RANGAP1: variants seen among roughly 807,000 people sequenced by gnomAD.
RANGAP1 encodes the protein ran GTPase-activating protein 1.
RANGAP1 carries 38 observed loss-of-function variants against 63.5 expected under a neutral mutation model. The observed-to-expected ratio is 0.60, with a 90% CI of 0.46 to 0.78. The LOEUF (loss-of-function observed/expected upper bound fraction) is 0.78, where lower values mean the gene tolerates loss of function less well. Among genes scored for constraint, RANGAP1 ranks in the 30% least tolerant of loss-of-function variants. The probability of loss-of-function intolerance (pLI) is 0.00; values close to 1 mark genes in which losing one functional copy is unlikely to be tolerated. For missense variants in RANGAP1, 630 were observed against 740.3 expected (o/e 0.85, Z 1.73); for synonymous variants, 329 against 310.5 (o/e 1.06, Z -0.63).
rs200379863 is a variant in RANGAP1, at chr22:41,254,488, G to A, written c.1080C>T (p.Asp360=). ...MAKVLASLSD[D]EDEEEEEEGE... Reference sequence around the variant, plus strand: ...CTTCCTCCTCCTCCTCCTCGTCCTCGTCATCACTGCAGAAAGAGCTGGCTG... The same window carrying A: ...CTTCCTCCTCCTCCTCCTCGTCCTCATCATCACTGCAGAAAGAGCTGGCTG... The change falls in exon 11 of 16, where the codon GAC becomes GAT. Residue 360 remains aspartate (D), a synonymous_variant. Coordinates refer to ENST00000356244, the MANE Select transcript of RANGAP1 (RefSeq NM_002883.4). The A allele has an allele frequency of 2.5e-5, 39 of 1,588,562 alleles. No individual in the cohort carries two copies. Among genetic ancestry groups the A allele is most frequent in the Middle Eastern group, 1.7e-4 (1 of 6,020 alleles).
the RANGAP1 span, among the ~76,000 whole-genome samples, chr22:41,299,927 A>G: frequency 6.6e-6 from 1 of 151,422 alleles, no homozygotes. Flanking sequence ...TATTTTTTGT[A>G]TTTTTAGTAG....
chr22:41,284,605 T>C (rs2035663736), intron 1 of RANGAP1, among the ~76,000 whole-genome samples: 1 of 148,334 alleles, frequency 6.7e-6, no homozygotes, highest in African/African-American at 2.5e-5. Flanking sequence ...GGTGTAATGG[T>C]TCACTCCTGC....
Position 41,249,467 on chromosome 22 carries a change from C to T in RANGAP1, c.1573-16G>A, listed in dbSNP as rs746090642. 3.7e-5 allele frequency: 59 copies of T among 1,608,086 alleles called. No homozygotes were observed. Among genetic ancestry groups the T allele is most frequent in the Middle Eastern group, 1.6e-4 (1 of 6,078 alleles). On this transcript the variant is annotated splice_polypyrimidine_tract_variant and intron_variant, in intron 14 of 15. Coordinates refer to ENST00000356244, the MANE Select transcript of RANGAP1 (RefSeq NM_002883.4). ...TGTCTTCACTCTGAGAGGAACACAG[C>T]GAAAAGCGGGGTGAGCTTCAAAGTC...
At chr22:41,267,981 C>T (rs2034580599) in intron 4 of RANGAP1, 116 bp downstream of exon 4, 11 of 1,117,466 alleles carry the variant, frequency 9.8e-6, no homozygotes, top group Non-Finnish European at 1.4e-5. Context: ...ATTCCAGCAG[C>T]TCAGTCACCC....
At chr22:41,301,541 C>A in the RANGAP1 span, 1 of 152,076 alleles carries the variant, frequency 6.6e-6, no homozygotes, top group Non-Finnish European at 1.5e-5. Flanking sequence ...GTGCCTCCAG[C>A]GGGTGCTGCC....
chr22:41,248,382 T>A (rs1041651172), intron 15 of RANGAP1, among the ~76,000 whole-genome samples: 1 of 152,198 alleles, frequency 6.6e-6, no homozygotes, highest in Admixed American at 6.5e-5. Flanking sequence ...GGCGGCGCCA[T>A]GCAGACACTG....
chr22:41,247,256 C>T (rs562110724), intron 15 of RANGAP1, among the ~76,000 whole-genome samples: 1 of 152,194 alleles, frequency 6.6e-6, no homozygotes, highest in South Asian at 2.1e-4. Flanking sequence ...AGGGTTTCAC[C>T]ATGTTAGCCA....
In RANGAP1 at chr22:41,261,458, T is replaced by C; in HGVS notation, c.603A>G (p.Ala201=). 2 of 1,614,212 alleles carry C rather than the reference T, an allele frequency of 1.2e-6. No individual in the cohort carries two copies. Among genetic ancestry groups the C allele is most frequent in the Non-Finnish European group, 1.7e-6 (2 of 1,180,040 alleles). The part of the protein sequence containing the change: ...RLENDGATAL[A]EAFRVIGTLE... ...AGAAACCACTCACCCTAAAAGCTTC[T>C]GCCAAGGCAGTGGCGCCATCATTCT... is the stretch of plus-strand genomic sequence containing the variant. Residue 201 remains alanine, a synonymous_variant, in exon 6 of 16, where the codon GCA becomes GCG. Transcript: ENST00000356244.
chr22:41,267,848 T>C (rs1225130189), intron 4 of RANGAP1, among the ~76,000 whole-genome samples: 2 of 152,016 alleles, frequency 1.3e-5, no homozygotes, highest in South Asian at 2.1e-4. Context: ...CAGGAGTGCA[T>C]GGTCTCAGCT....
the RANGAP1 span, chr22:41,301,918 G>A: frequency 1.3e-5 from 2 of 152,016 alleles, no homozygotes; most frequent in Non-Finnish European, 2.9e-5. Context: ...CCGGGGCCGC[G>A]CGCCGGGCCA....
intron 15 of RANGAP1, among the ~76,000 whole-genome samples, chr22:41,248,800 G>A (rs555749646): frequency 2.6e-5 from 4 of 152,230 alleles, no homozygotes; most frequent in Non-Finnish European, 5.9e-5. Flanking sequence ...GGACCCTCCA[G>A]AACAAGGCCA....
intron 1 of RANGAP1, chr22:41,285,336 G>C: frequency 4.1e-6 from 1 of 243,224 alleles, no homozygotes; most frequent in Non-Finnish European, 6.6e-6. Flanking sequence ...GAGAGAGCGA[G>C]ACAGAGATGC....
chr22:41,272,644 C>A (rs2034906659), intron 3 of RANGAP1, among the ~76,000 whole-genome samples: 1 of 152,088 alleles, frequency 6.6e-6, no homozygotes, highest in African/African-American at 2.4e-5. Context: ...CCTCAGCCTC[C>A]TGAGTAGCTG....
intron 12 of RANGAP1, 94 bp from the exon 13 acceptor site, chr22:41,251,203 G>C (rs557593524): frequency 2.1e-6 from 2 of 932,682 alleles, no homozygotes; most frequent in East Asian, 2.5e-5. Context: ...GCAGTACAAA[G>C]GCCCCTGGCG....
intron 3 of RANGAP1, among the ~76,000 whole-genome samples, chr22:41,268,824 G>A (rs2034631851): frequency 1.3e-5 from 2 of 152,046 alleles, no homozygotes; most frequent in African/African-American, 4.8e-5. Flanking sequence ...GGAGGCCGAG[G>A]CGGGCAGATC....
chr22:41,257,265 A>G lies in RANGAP1; in HGVS notation c.775-441T>C, dbSNP rs957858726. Among the ~76,000 whole-genome samples the G allele has an allele frequency of 6.6e-6, 1 of 152,202 alleles. No individual in the cohort carries two copies. The highest frequency in any genetic ancestry group is 1.5e-5 in the Non-Finnish European group (1 of 68,032). On this transcript the variant is annotated intron_variant, in intron 7 of 15. Transcript: ENST00000356244. This position sits in a 1 kb window ranked among gnomAD's most constrained non-coding sequence, Gnocchi z 4.0. Reference sequence around the variant, plus strand: ...CACACATCTCTGCTAACACACAGGCAGCCGGACTAGCCTTCTGTGGGGCCA... The same window carrying G: ...CACACATCTCTGCTAACACACAGGCGGCCGGACTAGCCTTCTGTGGGGCCA...
chr22:41,275,408 C>A (rs1293566263), intron 2 of RANGAP1, among the ~76,000 whole-genome samples: 1 of 151,718 alleles, frequency 6.6e-6, no homozygotes, highest in African/African-American at 2.4e-5. Flanking sequence ...AGGAGAATGT[C>A]TTGAACCTGG....
At chr22:41,265,234 G>C (rs992974372) in intron 4 of RANGAP1, among the ~76,000 whole-genome samples, 4 of 152,256 alleles carry the variant, frequency 2.6e-5, no homozygotes, top group African/African-American at 9.6e-5. Context: ...CCGTGGCATG[G>C]GCTTTGGGTG....
At chr22:41,262,086 G>C (rs949937537) in intron 5 of RANGAP1, among the ~76,000 whole-genome samples, 2 of 152,180 alleles carry the variant, frequency 1.3e-5, no homozygotes, top group Admixed American at 6.5e-5. Flanking sequence ...CAATGTCCAA[G>C]GGAGCCAGCT....
Sources: allele counts gnomAD v4.1 joint callset (sites outside exome capture counted in the v4.1 genomes callset), GRCh38; gene constraint gnomAD v4.1.1; non-coding constraint Gnocchi (gnomAD v3.1); transcripts MANE v1.5; gene names NCBI Gene and HGNC (gene_info 2026-07-23, HGNC 2026-07-21).